Variants in PCDH11X observed in about 807,000 individuals in gnomAD.
The protein encoded by PCDH11X is protocadherin 11 X-linked.
PCDH11X carries 18 observed loss-of-function variants against 53.3 expected under a neutral mutation model. The observed-to-expected ratio is 0.34, with a 90% CI of 0.23 to 0.50. PCDH11X has a LOEUF of 0.50. Among genes scored for constraint, PCDH11X ranks in the 20% least tolerant of loss-of-function variants. PCDH11X has a pLI of 0.98. For synonymous variants in PCDH11X, 279 were observed against 393.3 expected (o/e 0.71, Z 3.44); for missense variants, 570 against 1,032.4 (o/e 0.55, Z 6.14).
At chrX:91,935,589 A>T (rs1465961881) in intron 6 of PCDH11X, among the ~76,000 whole-genome samples, 1 of 107,248 alleles carries the variant, frequency 9.3e-6, no homozygotes, top group Non-Finnish European at 1.9e-5. Flanking sequence ...TTAGAGAAAC[A>T]GAAGTTTTGT....
At chrX:91,986,270 A>T (rs2062226437) in intron 6 of PCDH11X, among the ~76,000 whole-genome samples, 1 of 111,965 alleles carries the variant, frequency 8.9e-6, no homozygotes, top group African/African-American at 3.2e-5. Context: ...AAGAATTCAA[A>T]GTAGTTTAGA....
intron 6 of PCDH11X, among the ~76,000 whole-genome samples, chrX:91,896,414 G>A (rs906726967): frequency 8.2e-5 from 9 of 110,187 alleles, no homozygotes; most frequent in African/African-American, 2.6e-4. Flanking sequence ...GTGAGCCACC[G>A]CACCGCACCT....
intron 10 of PCDH11X, among the ~76,000 whole-genome samples, chrX:92,512,401 T>C (rs1351779721): frequency 8.9e-6 from 1 of 111,753 alleles, no homozygotes; most frequent in Non-Finnish European, 1.9e-5. Context: ...GGACATAATA[T>C]AATGATAATA....
chrX:91,992,685 C>CA (rs2062347431), intron 6 of PCDH11X, among the ~76,000 whole-genome samples: 1 of 101,637 alleles, frequency 9.8e-6, no homozygotes, highest in African/African-American at 3.7e-5. Context: ...CTGCCATCAC[C>CA]ATCATCTTCT....
chrX:92,181,272 A>C (rs954880978), intron 6 of PCDH11X, among the ~76,000 whole-genome samples: 4 of 111,270 alleles, frequency 3.6e-5, no homozygotes, highest in African/African-American at 1.3e-4. Flanking sequence ...TGAACTTGAG[A>C]GAGATGATTT....
At chrX:92,053,075 T>C (rs2148050007) in intron 6 of PCDH11X, among the ~76,000 whole-genome samples, 1 of 112,170 alleles carries the variant, frequency 8.9e-6, no homozygotes, top group Non-Finnish European at 1.9e-5. Context: ...TTATTTCATG[T>C]ATTCTAATGT....
chrX:92,495,474 C>T (rs1209090754), intron 10 of PCDH11X, among the ~76,000 whole-genome samples: 1 of 109,520 alleles, frequency 9.1e-6, no homozygotes, highest in East Asian at 2.9e-4. Flanking sequence ...TCACTATACC[C>T]TATATGGACT....
intron 6 of PCDH11X, among the ~76,000 whole-genome samples, chrX:92,041,269 A>G (rs1323301808): frequency 9.4e-6 from 1 of 106,814 alleles, no homozygotes; most frequent in Non-Finnish European, 1.9e-5. Context: ...CGTTTTGAAA[A>G]GTATGCATAT....
chrX:92,484,238 T>C lies in PCDH11X; in HGVS notation c.3367+15916T>C, dbSNP rs369708920. On this transcript the variant is annotated intron_variant, in intron 10 of 10. Transcript: ENST00000682573. ...ATATGTATATATGTATATATGTATA[T>C]ATGTATATATGTATATTTATACATA... 3.1e-4 allele frequency among the ~76,000 whole-genome samples: 30 copies of C among 97,098 alleles called. No individual in the cohort carries two copies. The East Asian group carries it at 8.4e-3, about 27-fold the overall frequency. 84.3% of individuals were successfully genotyped at this position (97,098 alleles called of 115,157 possible).
chrX:92,261,048 A>G (rs1261057045), intron 7 of PCDH11X, among the ~76,000 whole-genome samples: 1 of 110,779 alleles, frequency 9.0e-6, no homozygotes, highest in Non-Finnish European at 1.9e-5. Flanking sequence ...GCTTTTCATC[A>G]TGTTTTTTCC....
chrX:92,315,326 A>G (rs1298003858), intron 8 of PCDH11X, among the ~76,000 whole-genome samples: 4 of 111,804 alleles, frequency 3.6e-5, no homozygotes, highest in Admixed American at 9.5e-5. Context: ...ACACAGAGAC[A>G]GTTTAGATAT....
At chrX:92,030,051 C>T (rs1276466050) in intron 6 of PCDH11X, among the ~76,000 whole-genome samples, 1 of 112,041 alleles carries the variant, frequency 8.9e-6, no homozygotes, top group Non-Finnish European at 1.9e-5. Context: ...CAACCTCCAC[C>T]TCCCAGGTTC....
At chrX:91,830,302 G>A (rs1937062402) in intron 4 of PCDH11X, among the ~76,000 whole-genome samples, 1 of 111,764 alleles carries the variant, frequency 8.9e-6, no homozygotes, top group African/African-American at 3.3e-5. Flanking sequence ...TCTCAGAGAA[G>A]TTTAGACCCA....
chrX:91,907,408 C>CAGAGAGAGAG (rs1361235635), intron 6 of PCDH11X, among the ~76,000 whole-genome samples: 135 of 65,996 alleles, frequency 2.0e-3, no homozygotes, highest in African/African-American at 7.7e-3. Context: ...CACACACACA[C>CAGAGAGAGAG]ACACAGAGAG....
chrX:92,556,100 C>T (rs777337274), intron 10 of PCDH11X, among the ~76,000 whole-genome samples: 1 of 111,589 alleles, frequency 9.0e-6, no homozygotes, highest in Non-Finnish European at 1.9e-5. Context: ...CACCATGAGC[C>T]AATTACTTCC....
rs191006010 is a variant in PCDH11X, at chrX:92,204,733, A to T, written c.3114+3278A>T. ...TACCTCAGTACCAATTTACGGTATTAGTCCGTTCTCACGCTGCTATGAAGA... is the reference window on the plus strand; with the variant it reads ...TACCTCAGTACCAATTTACGGTATTTGTCCGTTCTCACGCTGCTATGAAGA... On this transcript the variant is annotated intron_variant, in intron 7 of 10. Transcript: ENST00000682573. 1.5e-3 allele frequency among the ~76,000 whole-genome samples: 173 copies of T among 112,235 alleles called. 1 individual carries two copies. The East Asian group carries it at 0.045, about 29-fold the overall frequency.
rs776221209 is a variant in PCDH11X at position 91,816,623 on chromosome X, CA to C, written c.-45+5332del. Among the ~76,000 whole-genome samples, 88 of 110,813 alleles carry C rather than the reference CA, an allele frequency of 7.9e-4. 1 individual carries two copies. Among genetic ancestry groups the C allele is most frequent in the African/African-American group, 2.8e-3 (85 of 30,521 alleles). ...CTTGGAGGTCAAGGGAAAGTCTGCACAAAAGTAGAAATATGAGGAAATTTGT... is the reference window on the plus strand; with the variant it reads ...CTTGGAGGTCAAGGGAAAGTCTGCACAAAGTAGAAATATGAGGAAATTTGT... On this transcript the variant is annotated intron_variant, in intron 4 of 10. Coordinates refer to ENST00000682573, the MANE Select transcript of PCDH11X (RefSeq NM_032968.5).
chrX:92,139,389 C>T (rs2065141011), intron 6 of PCDH11X, among the ~76,000 whole-genome samples: 1 of 105,688 alleles, frequency 9.5e-6, no homozygotes, highest in Non-Finnish European at 1.9e-5. Context: ...GATTCTCCTG[C>T]CTCAGCCTCC....
intron 8 of PCDH11X, among the ~76,000 whole-genome samples, chrX:92,272,058 A>G (rs1457435372): frequency 8.9e-6 from 1 of 111,753 alleles, no homozygotes; most frequent in Admixed American, 9.6e-5. Context: ...CTGGATGTAA[A>G]AGTGGATGGA....
Sources: gnomAD v4.1 joint callset for allele counts (sites outside exome capture counted in the v4.1 genomes callset) on GRCh38, gnomAD v4.1.1 for gene constraint, MANE v1.5 for transcripts, NCBI Gene and HGNC (gene_info 2026-07-23, HGNC 2026-07-21) for gene names.